The following THAP9 variants were observed in gnomAD, a reference collection of about 807,000 sequenced individuals.
THAP9 encodes DNA transposase THAP9.
In THAP9, 20 loss-of-function variants were observed where a neutral mutation model predicts 35.7. That is an observed-to-expected ratio of 0.56 (90% confidence interval 0.39 to 0.81). The LOEUF is 0.81. Among genes scored for constraint, THAP9 ranks in the 40% least tolerant of loss-of-function variants. The pLI is 0.00. For missense variants in THAP9, 870 were observed against 1,047.4 expected (o/e 0.83, Z 2.34); for synonymous variants, 335 against 373.7 (o/e 0.90, Z 1.19).
chr4:82,901,167 A>G (rs1720343434), intron 1 of THAP9: 2 of 647,310 alleles, frequency 3.1e-6, no homozygotes, highest in Admixed American at 4.2e-5. Flanking sequence ...TGGTCTTATT[A>G]TTTGAAGTGA....
intron 1 of THAP9, chr4:82,901,250 A>G (rs1439333668): frequency 4.1e-6 from 2 of 490,786 alleles, no homozygotes; most frequent in Non-Finnish European, 8.0e-6. Context: ...GCACGAGTAC[A>G]GATCAGTTTT....
In THAP9 at chr4:82,906,533, C is replaced by T. The variant is rs765236908; in HGVS notation, c.486C>T (p.Ile162=). 6.2e-7 allele frequency: 1 copy of T among 1,613,578 alleles called. No individual in the cohort carries two copies. Among genetic ancestry groups the T allele is most frequent in the Non-Finnish European group, 8.5e-7 (1 of 1,179,746 alleles). Residue 162 remains isoleucine (I), a synonymous_variant, in exon 3 of 5, where the codon ATC becomes ATT. Coordinates refer to ENST00000302236, the MANE Select transcript of THAP9 (RefSeq NM_024672.6). ...TCTCCGTAAAGAACTACAGGATGATCAAGAAGAGAAAGGGTTTACGATTAA... is the reference window on the plus strand; with the variant it reads ...TCTCCGTAAAGAACTACAGGATGATTAAGAAGAGAAAGGGTTTACGATTAA... ...RLISVKNYRM[I]KKRKGLRLID...
At chr4:82,911,525 C>T (rs1029682892) in intron 4 of THAP9, among the ~76,000 whole-genome samples, 3 of 152,034 alleles carry the variant, frequency 2.0e-5, no homozygotes, top group Non-Finnish European at 2.9e-5. Context: ...ACCCAGGAGG[C>T]GGAGCTTGCA....
intron 2 of THAP9, chr4:82,905,899 A>C (rs1449271407): frequency 2.2e-6 from 1 of 456,162 alleles, no homozygotes; most frequent in African/African-American, 2.0e-5. Flanking sequence ...TGTGACAGCT[A>C]ATTGAGGGAG....
At chr4:82,908,102 A>C (rs946874060) in intron 4 of THAP9, among the ~76,000 whole-genome samples, 167 bp downstream of exon 4, 2 of 152,168 alleles carry the variant, frequency 1.3e-5, no homozygotes, top group African/African-American at 4.8e-5. Context: ...GAAAAAATGG[A>C]CTAATGAAAA....
chr4:82,904,596 T>A, intron 1 of THAP9, 140 bp from the exon 2 acceptor site: 1 of 768,016 alleles, frequency 1.3e-6, no homozygotes, highest in South Asian at 2.6e-5. Context: ...AAAAATGAAC[T>A]AAGTAAATTA....
Position 82,918,485 on chromosome 4 carries a change from A to G in THAP9, c.2273A>G (p.Lys758Arg), listed in dbSNP as rs746596564. The G allele has an allele frequency of 1.9e-6, 3 of 1,614,208 alleles. No individual in the cohort carries two copies. In the Admixed American group the frequency reaches 5.0e-5, roughly 27 times the overall value. ...GGGTCACTATTATTTGTTAAAAAGA[A>G]GAATGGTTTGCATTTTCCTTCAGAA... ...KIGSLLFVKK[K>R]NGLHFPSESL... Residue 758 changes from lysine to arginine, a missense_variant, in exon 5 of 5, where the codon AAG becomes AGG. Physicochemically the swap from Lys to Arg is conservative, Grantham distance 26. Around this residue, in one of 3 missense-constraint regions of THAP9, gnomAD observed 414 missense variants for 500.8 expected, o/e 0.83. Coordinates refer to ENST00000302236, the MANE Select transcript of THAP9 (RefSeq NM_024672.6).
chr4:82,905,728 A>G, intron 2 of THAP9: 1 of 378,244 alleles, frequency 2.6e-6, no homozygotes, highest in South Asian at 2.0e-5. Context: ...TTGCTTTCAT[A>G]CTTTTGTGTA....
At position 82,918,961 on chromosome 4, in the gene THAP9, C is replaced by G; in HGVS notation, c.*37C>G. On this transcript the variant is annotated 3_prime_UTR_variant, in exon 5 of 5. Transcript: ENST00000302236. ...TATATTAACATTTTAATTAAGAATA[C>G]TTGATCAACATTTTTTGAAGTTCAA... 6.9e-7 allele frequency: 1 copy of G among 1,443,278 alleles called. No individual in the cohort carries two copies. Among genetic ancestry groups the G allele is most frequent in the Non-Finnish European group, 9.3e-7 (1 of 1,070,806 alleles). 89.4% of individuals were successfully genotyped at this position (1,443,278 alleles called of 1,614,324 possible).
In THAP9 at chr4:82,904,844, C is replaced by T; in HGVS notation, c.189C>T (p.Ser63=). 6.2e-7 allele frequency: 1 copy of T among 1,613,890 alleles called. No homozygotes were observed. The highest frequency in any genetic ancestry group is 1.7e-4 in the Middle Eastern group (1 of 6,060). ...WIPGPGAILC[S]KHFQESDFES... ...CAGGACCAGGTGCTATACTGTGTTCCAAACATTTTCAAGAAAGTGACTTTG... is the reference window on the plus strand; with the variant it reads ...CAGGACCAGGTGCTATACTGTGTTCTAAACATTTTCAAGAAAGTGACTTTG... The change falls in exon 2 of 5, where the codon TCC becomes TCT. Residue 63 remains serine, a synonymous_variant. Transcript: ENST00000302236.
At chr4:82,901,051 T>C (rs1273528047) in intron 1 of THAP9, 169 bp downstream of exon 1, 1 of 804,310 alleles carries the variant, frequency 1.2e-6, no homozygotes, top group Non-Finnish European at 2.1e-6. Flanking sequence ...CTGTGAGAAT[T>C]GAGATTCTCT....
chr4:82,901,711 T>G (rs202097075), intron 1 of THAP9, among the ~76,000 whole-genome samples: 3 of 210 alleles, frequency 0.014, no homozygotes, highest in Admixed American at 0.033. Context: ...AATTCATTGA[T>G]TTTTTTTTTT....
intron 1 of THAP9, among the ~76,000 whole-genome samples, chr4:82,901,538 G>A (rs765967343): frequency 5.9e-5 from 9 of 152,162 alleles, no homozygotes; most frequent in African/African-American, 9.7e-5. Context: ...GAACTTTATG[G>A]TTGGAAAGGG....
At chr4:82,901,108 C>T in intron 1 of THAP9, 1 of 699,514 alleles carries the variant, frequency 1.4e-6, no homozygotes, top group East Asian at 2.7e-5. Flanking sequence ...TCTCGCACCG[C>T]CTACCGCTTT....
chr4:82,908,318 C>T (rs889182017), intron 4 of THAP9, among the ~76,000 whole-genome samples: 1 of 152,120 alleles, frequency 6.6e-6, no homozygotes, highest in African/African-American at 2.4e-5. Context: ...TAATATCTGA[C>T]GATCCTGGAA....
chr4:82,908,981 A>T (rs1414682102), intron 4 of THAP9, among the ~76,000 whole-genome samples: 2 of 151,100 alleles, frequency 1.3e-5, no homozygotes, highest in East Asian at 1.9e-4. Context: ...ATCTTGGCTC[A>T]CTGCAACCTC....
intron 4 of THAP9, chr4:82,910,561 A>T (rs565202202): frequency 7.4e-4 from 151 of 202,840 alleles, no homozygotes; most frequent in Middle Eastern, 2.3e-3. Flanking sequence ...TTAATATAAG[A>T]TTCTTATATT....
intron 1 of THAP9, among the ~76,000 whole-genome samples, chr4:82,902,918 C>T (rs1017425934): frequency 1.3e-5 from 2 of 152,194 alleles, no homozygotes; most frequent in African/African-American, 4.8e-5. Context: ...AGAGATGTGT[C>T]TAATACCATA....
intron 1 of THAP9, among the ~76,000 whole-genome samples, chr4:82,901,971 A>C (rs1720417696): frequency 6.6e-6 from 1 of 152,214 alleles, no homozygotes; most frequent in Non-Finnish European, 1.5e-5. Flanking sequence ...TGTAAAACTA[A>C]AACGTAAGAC....
Sources: gnomAD v4.1 joint callset for allele counts (sites outside exome capture counted in the v4.1 genomes callset) on GRCh38, gnomAD v4.1.1 for gene constraint, gnomAD v4.1.1 regional missense constraint, MANE v1.5 for transcripts, NCBI Gene and HGNC (gene_info 2026-07-23, HGNC 2026-07-21) for gene names.